Variants in NRXN3 observed in about 807,000 individuals in gnomAD.
The protein encoded by NRXN3 is neurexin 3, also known as neurexin III.
Under a neutral mutation model 137.6 loss-of-function variants are expected in NRXN3, and 32 were observed. The ratio of observed to expected loss-of-function variants is 0.23; its 90% CI spans 0.18 to 0.31. NRXN3 has a LOEUF of 0.31. Among genes scored for constraint, NRXN3 ranks in the 10% least tolerant of loss-of-function variants. The pLI is 1.00. For synonymous variants in NRXN3, 798 were observed against 784.5 expected (o/e 1.02, Z -0.29); for missense variants, 1,574 against 2,062.5 (o/e 0.76, Z 4.59).
At position 79,032,858 on chromosome 14, in the gene NRXN3, C is replaced by G. The variant is rs747170899; in HGVS notation, c.3262+44717C>G. Reference sequence around the variant, plus strand: ...CCCTGGAGCAAGTAATTTTACTGCTCTATGGTTCAGTTATTTTATCTGTGA... The same window carrying G: ...CCCTGGAGCAAGTAATTTTACTGCTGTATGGTTCAGTTATTTTATCTGTGA... On this transcript the variant is annotated intron_variant, in intron 15 of 20. Coordinates refer to ENST00000335750, the MANE Select transcript of NRXN3 (RefSeq NM_001330195.2). Among the ~76,000 whole-genome samples, 13 of 152,082 alleles carry G rather than the reference C, an allele frequency of 8.5e-5. 1 individual carries two copies. The highest frequency in any genetic ancestry group is 8.8e-5 in the Non-Finnish European group (6 of 68,010).
At chr14:79,683,330 C>T (rs1567878716) in intron 17 of NRXN3, among the ~76,000 whole-genome samples, 1 of 151,766 alleles carries the variant, frequency 6.6e-6, no homozygotes, top group South Asian at 2.1e-4. Flanking sequence ...AACCTGGGCT[C>T]ATTAAAAAAC....
chr14:78,174,645 A>G (rs568084740), intron 1 of NRXN3, among the ~76,000 whole-genome samples: 1 of 151,996 alleles, frequency 6.6e-6, no homozygotes, highest in South Asian at 2.1e-4. Context: ...TGTTTGTTGG[A>G]TATGTGCGTA....
intron 4 of NRXN3, among the ~76,000 whole-genome samples, chr14:78,444,849 G>A (rs1339726495): frequency 1.3e-5 from 2 of 150,022 alleles, no homozygotes; most frequent in African/African-American, 2.5e-5. Context: ...AACCCGGGAG[G>A]CAGAGGTTGC....
chr14:79,586,135 A>G (rs1263155301), intron 16 of NRXN3, among the ~76,000 whole-genome samples: 2 of 152,230 alleles, frequency 1.3e-5, no homozygotes, highest in Non-Finnish European at 2.9e-5. Flanking sequence ...TAACAGAGTC[A>G]ATCATAATTA....
At chr14:79,000,525 G>A (rs952000743) in intron 15 of NRXN3, among the ~76,000 whole-genome samples, 14 of 152,166 alleles carry the variant, frequency 9.2e-5, no homozygotes, top group African/African-American at 3.1e-4. Flanking sequence ...GATATTTGGG[G>A]TATGATTTTA....
intron 20 of NRXN3, chr14:79,853,925 A>G: frequency 1.0e-6 from 1 of 991,354 alleles, no homozygotes; most frequent in Non-Finnish European, 1.2e-6. Context: ...TAAATTCAAA[A>G]ATTGATGCCC....
chr14:79,605,457 T>G (rs1056472730), intron 16 of NRXN3, among the ~76,000 whole-genome samples: 3 of 152,128 alleles, frequency 2.0e-5, no homozygotes, highest in African/African-American at 4.8e-5. Flanking sequence ...TACTGGGCCC[T>G]GGAGTCTTTG....
At chr14:78,669,909 G>A (rs948217598) in intron 6 of NRXN3, among the ~76,000 whole-genome samples, 21 of 151,820 alleles carry the variant, frequency 1.4e-4, no homozygotes, top group Non-Finnish European at 2.9e-4. Flanking sequence ...TGTGCAGAAC[G>A]TACAGTTTTG....
chr14:78,362,801 T>A (rs527718160), intron 4 of NRXN3, among the ~76,000 whole-genome samples: 2 of 152,302 alleles, frequency 1.3e-5, no homozygotes, highest in South Asian at 4.1e-4. Flanking sequence ...TCTAAAATGA[T>A]GAAAAGATGC....
chr14:78,900,734 G>A (rs762271873), intron 10 of NRXN3, among the ~76,000 whole-genome samples: 12 of 152,004 alleles, frequency 7.9e-5, no homozygotes, highest in Non-Finnish European at 1.6e-4. Context: ...GTTTGGATTA[G>A]TCCAGGGAGT....
rs202084090 is a variant in NRXN3, at chr14:78,934,180, A to AC, written c.2276-23058dup. On this transcript the variant is annotated intron_variant, in intron 10 of 20. Coordinates refer to ENST00000335750, the MANE Select transcript of NRXN3 (RefSeq NM_001330195.2). ...GACAACCAAAAAAAAAAAAAAAAAA[A>AC]CCCCAAAACCAAAGCACTGAACTTC... Among the ~76,000 whole-genome samples the AC allele has an allele frequency of 8.4e-3, 1,257 of 150,208 alleles. 23 individuals are homozygous for AC. The highest frequency in any genetic ancestry group is 0.029 in the African/African-American group (1,184 of 40,674).
chr14:78,700,537 T>C (rs1016007430), intron 6 of NRXN3, among the ~76,000 whole-genome samples: 1 of 152,162 alleles, frequency 6.6e-6, no homozygotes, highest in Non-Finnish European at 1.5e-5. Flanking sequence ...GCTAGAAACT[T>C]TTAAAACTAC....
At chr14:78,308,775 A>G (rs117832888) in intron 4 of NRXN3, among the ~76,000 whole-genome samples, 1 of 152,148 alleles carries the variant, frequency 6.6e-6, no homozygotes, top group East Asian at 1.9e-4. Context: ...CTTCTCTCCA[A>G]ATAAAAGTCT....
chr14:79,484,237 T>C lies in NRXN3; in HGVS notation c.3444+16835T>C, dbSNP rs575862845. ...CAGAAACAAAGGCTTTTCTTTCTTC[T>C]CTCTTTTGGATGTTTGGTGATTTGC... is the stretch of plus-strand genomic sequence containing the variant. On this transcript the variant is annotated intron_variant, in intron 16 of 20. Transcript: ENST00000335750. 7.9e-5 allele frequency among the ~76,000 whole-genome samples: 12 copies of C among 152,272 alleles called. No individual in the cohort carries two copies. In the East Asian group the frequency reaches 2.3e-3, roughly 29 times the overall value.
At chr14:79,011,902 G>C (rs764398058) in intron 15 of NRXN3, among the ~76,000 whole-genome samples, 1 of 152,194 alleles carries the variant, frequency 6.6e-6, no homozygotes, top group African/African-American at 2.4e-5. Flanking sequence ...GAAGCAGTTC[G>C]ATGGGAGAAT....
intron 4 of NRXN3, among the ~76,000 whole-genome samples, chr14:78,472,164 T>C (rs2095287593): frequency 2.0e-5 from 3 of 152,188 alleles, no homozygotes; most frequent in Admixed American, 1.3e-4. Flanking sequence ...TTCCCCTCAG[T>C]GTTGGAAACT....
chr14:78,191,028 G>C, intron 1 of NRXN3, among the ~76,000 whole-genome samples: 1 of 152,068 alleles, frequency 6.6e-6, no homozygotes, highest in East Asian at 1.9e-4. Flanking sequence ...CCAGGTAAGC[G>C]TCCTACATAA....
chr14:78,918,285 C>CAAAAAAAAAAAAAAAAAAAA (rs71454807), intron 10 of NRXN3, among the ~76,000 whole-genome samples: 2 of 34,656 alleles, frequency 5.8e-5, no homozygotes, highest in African/African-American at 2.5e-4. Flanking sequence ...AACTCCATCT[C>CAAAAAAAAAAAAAAAAAAAA]AAAAAAAAAA....
intron 15 of NRXN3, among the ~76,000 whole-genome samples, chr14:79,185,980 T>G (rs2063498588): frequency 6.6e-6 from 1 of 152,192 alleles, no homozygotes; most frequent in African/African-American, 2.4e-5. Flanking sequence ...CTGTCTGGGT[T>G]GAATCAAGGC....
Sources: gnomAD v4.1 joint callset for allele counts (sites outside exome capture counted in the v4.1 genomes callset) on GRCh38, gnomAD v4.1.1 for gene constraint, MANE v1.5 for transcripts, NCBI Gene and HGNC (gene_info 2026-07-23, HGNC 2026-07-21) for gene names.